SPIDR: variants seen among roughly 807,000 people sequenced by gnomAD.
The protein encoded by SPIDR is DNA repair-scaffolding protein.
SPIDR carries 93 observed loss-of-function variants against 104.6 expected under a neutral mutation model. That is an observed-to-expected ratio of 0.89 (90% CI 0.75 to 1.06). SPIDR has a LOEUF of 1.06. SPIDR is among the 50% of genes least tolerant of loss of function. SPIDR has a pLI of 0.00. For synonymous variants in SPIDR, 431 were observed against 416.9 expected (o/e 1.03, Z -0.41); for missense variants, 1,154 against 1,111.2 (o/e 1.04, Z -0.55).
chr8:47,268,562 C>T (rs1399552350), intron 1 of SPIDR, among the ~76,000 whole-genome samples: 1 of 152,044 alleles, frequency 6.6e-6, no homozygotes, highest in African/African-American at 2.4e-5. Flanking sequence ...GAGTTTTATT[C>T]TTTTTGATGC....
chr8:47,559,069 C>T (rs1457392816), intron 8 of SPIDR, among the ~76,000 whole-genome samples: 1 of 152,102 alleles, frequency 6.6e-6, no homozygotes, highest in Non-Finnish European at 1.5e-5. Context: ...TTTGTGGTTG[C>T]TGGTTTTAGT....
intron 8 of SPIDR, 90 bp downstream of exon 8, chr8:47,440,632 T>C: frequency 7.5e-7 from 1 of 1,330,948 alleles, no homozygotes; most frequent in Non-Finnish European, 1.0e-6. Flanking sequence ...TTTGTCACTT[T>C]ATCATAGAGC....
At chr8:47,664,744 A>AG (rs1272963880) in intron 10 of SPIDR, among the ~76,000 whole-genome samples, 2 of 39,890 alleles carry the variant, frequency 5.0e-5, no homozygotes, top group Non-Finnish European at 1.0e-4. Flanking sequence ...CCATCTCTAC[A>AG]AAAAAAAAAA....
At chr8:47,348,562 T>C (rs1446009564) in intron 5 of SPIDR, among the ~76,000 whole-genome samples, 1 of 152,238 alleles carries the variant, frequency 6.6e-6, no homozygotes, top group Non-Finnish European at 1.5e-5. Flanking sequence ...TCCATCTTGG[T>C]TCCATTCTCC....
intron 8 of SPIDR, among the ~76,000 whole-genome samples, chr8:47,572,798 C>T (rs747285335): frequency 1.3e-5 from 2 of 152,028 alleles, no homozygotes; most frequent in African/African-American, 2.4e-5. Flanking sequence ...ATGAAAAAGG[C>T]TTCCATCGGA....
intron 5 of SPIDR, among the ~76,000 whole-genome samples, chr8:47,360,024 C>G (rs1327799438): frequency 2.0e-5 from 3 of 151,974 alleles, no homozygotes; most frequent in Non-Finnish European, 4.4e-5. Context: ...GGGCGGATCA[C>G]AAGGTCAGGA....
chr8:47,400,570 G>T (rs538263687), intron 6 of SPIDR, among the ~76,000 whole-genome samples: 13 of 152,170 alleles, frequency 8.5e-5, no homozygotes, highest in Admixed American at 8.5e-4. Flanking sequence ...AGCAAGGATT[G>T]AGAGAGGTAG....
At chr8:47,313,390 C>T (rs1263950533) in intron 5 of SPIDR, among the ~76,000 whole-genome samples, 2 of 152,144 alleles carry the variant, frequency 1.3e-5, no homozygotes, top group African/African-American at 2.4e-5. Context: ...GAACTACAAA[C>T]CACTGCTCAA....
At chr8:47,470,281 GTTTTTGTTTTTGT>G (rs1331388840) in intron 8 of SPIDR, among the ~76,000 whole-genome samples, 2 of 151,900 alleles carry the variant, frequency 1.3e-5, no homozygotes, top group Non-Finnish European at 2.9e-5. Flanking sequence ...TTTGTTTTTC[GTTTTTGTTTTTGT>G]TTTTTGTTTT....
At chr8:47,654,736 T>TA (rs1160006967) in intron 10 of SPIDR, among the ~76,000 whole-genome samples, 11 of 152,204 alleles carry the variant, frequency 7.2e-5, no homozygotes, top group Non-Finnish European at 1.6e-4. Context: ...TGTTCTTTTT[T>TA]TATATATACT....
chr8:47,451,581 A>AAC (rs56269650), intron 8 of SPIDR, among the ~76,000 whole-genome samples: 3,847 of 148,104 alleles, frequency 0.026, 106 homozygotes, highest in African/African-American at 0.072. Context: ...ACCCTGCCAA[A>AAC]ACACACACAC....
chr8:47,279,927 A>T lies in SPIDR; in HGVS notation c.99A>T (p.Arg33Ser), dbSNP rs2037383905. 3 of 1,613,992 alleles carry T rather than the reference A, an allele frequency of 1.9e-6. No homozygotes were observed. The African/African-American group carries it at 4.0e-5, about 22-fold the overall frequency. The change falls in exon 2 of 20, where the codon AGA becomes AGT. Residue 33 changes from arginine (R) to serine (S), a missense_variant. Physicochemically the swap from Arg to Ser is moderately radical, Grantham distance 110. Coordinates refer to ENST00000297423, the MANE Select transcript of SPIDR (RefSeq NM_001080394.4). ...GAGAAAGACCACTGCAGGTCAGAAGAGCAGGTCTCAGGACAGCAGGGGCAG... is the reference window on the plus strand; with the variant it reads ...GAGAAAGACCACTGCAGGTCAGAAGTGCAGGTCTCAGGACAGCAGGGGCAG... ...FPGERPLQVR[R>S]AGLRTAGAAA... is the part of the protein sequence containing the mutation.
chr8:47,364,555 T>C (rs1308333768), intron 5 of SPIDR, among the ~76,000 whole-genome samples: 1 of 152,190 alleles, frequency 6.6e-6, no homozygotes, highest in Non-Finnish European at 1.5e-5. Flanking sequence ...GCGCAGTTGT[T>C]TAATTATCAG....
At chr8:47,510,130 T>G (rs867956138) in intron 8 of SPIDR, among the ~76,000 whole-genome samples, 12 of 151,778 alleles carry the variant, frequency 7.9e-5, no homozygotes, top group Admixed American at 3.9e-4. Flanking sequence ...AATGTGGGGG[T>G]TTTTTTTCCT....
intron 7 of SPIDR, among the ~76,000 whole-genome samples, chr8:47,414,350 G>A (rs750114958): frequency 3.3e-5 from 5 of 152,080 alleles, no homozygotes; most frequent in Non-Finnish European, 7.4e-5. Flanking sequence ...AATGAAGGGA[G>A]AAAAAGGTGA....
intron 5 of SPIDR, among the ~76,000 whole-genome samples, chr8:47,301,264 G>A (rs1321139983): frequency 1.3e-5 from 2 of 152,074 alleles, no homozygotes; most frequent in Non-Finnish European, 2.9e-5. Flanking sequence ...GACTAGGATT[G>A]AAACCCCTGC....
At chr8:47,596,153 T>TA in intron 9 of SPIDR, 147 bp downstream of exon 9, 2 of 647,416 alleles carry the variant, frequency 3.1e-6, no homozygotes, top group Non-Finnish European at 5.3e-6. Context: ...AACTTACTGT[T>TA]ACGCCTGAAT....
chr8:47,600,856 G>A (rs2062185965), intron 10 of SPIDR, among the ~76,000 whole-genome samples: 1 of 152,180 alleles, frequency 6.6e-6, no homozygotes, highest in Non-Finnish European at 1.5e-5. Flanking sequence ...CCAAGGGGAC[G>A]AGGAAACAGA....
At chr8:47,571,529 A>G (rs575721249) in intron 8 of SPIDR, among the ~76,000 whole-genome samples, 1 of 152,340 alleles carries the variant, frequency 6.6e-6, no homozygotes, top group South Asian at 2.1e-4. Context: ...CAAGAATCAA[A>G]TGAGGTAACT....
Sources: allele counts gnomAD v4.1 joint callset (sites outside exome capture counted in the v4.1 genomes callset), GRCh38; gene constraint gnomAD v4.1.1; transcripts MANE v1.5; gene names NCBI Gene and HGNC (gene_info 2026-07-23, HGNC 2026-07-21).